The following RBFOX1 variants were observed in gnomAD, a reference collection of about 807,000 sequenced individuals.
The protein encoded by RBFOX1 is RNA binding fox-1 homolog 1, also known as RNA binding protein fox-1 homolog 1.
RBFOX1 carries 8 observed loss-of-function variants against 57.7 expected under a neutral mutation model. The observed-to-expected ratio is 0.14, with a 90% CI of 0.08 to 0.25. The LOEUF is 0.25. RBFOX1 is among the 10% of genes least tolerant of loss of function. The pLI, the probability that RBFOX1 is intolerant of heterozygous loss-of-function variation, is 1.00. For missense variants in RBFOX1, 611 were observed against 548.5 expected, an observed-to-expected ratio of 1.11 and a Z score of -1.14; for synonymous variants, 326 against 222.4, an observed-to-expected ratio of 1.47 and a Z score of -4.15.
intron 2 of RBFOX1, among the ~76,000 whole-genome samples, chr16:6,341,228 C>CT (rs960963107): frequency 2.5e-4 from 38 of 152,060 alleles, no homozygotes; most frequent in Non-Finnish European, 4.3e-4. Flanking sequence ...TGTTTCCTTG[C>CT]TTTTTTTTGG....
chr16:6,577,520 G>C (rs1363674219), intron 2 of RBFOX1, among the ~76,000 whole-genome samples: 1 of 152,178 alleles, frequency 6.6e-6, no homozygotes, highest in Non-Finnish European at 1.5e-5. Flanking sequence ...TGAAATCTCA[G>C]TGATATAACA....
At chr16:5,669,710 G>A (rs1466610832) in intron 3 of RBFOX1, among the ~76,000 whole-genome samples, 5 of 152,140 alleles carry the variant, frequency 3.3e-5, no homozygotes, top group African/African-American at 1.2e-4. Context: ...GAGCCACCAC[G>A]CCGGGCCCAA....
intron 4 of RBFOX1, among the ~76,000 whole-genome samples, chr16:7,492,052 T>G (rs573377727): frequency 6.6e-6 from 1 of 152,304 alleles, no homozygotes; most frequent in African/African-American, 2.4e-5. Context: ...TGTTCCATGC[T>G]TGTATGTTGT....
intron 4 of RBFOX1, among the ~76,000 whole-genome samples, chr16:7,278,130 C>G (rs531334813): frequency 6.6e-6 from 1 of 151,706 alleles, no homozygotes; most frequent in South Asian, 2.1e-4. Flanking sequence ...CGCTTGGTTT[C>G]CAAAATTGTA....
chr16:6,664,537 A>C (rs891659150), intron 3 of RBFOX1, among the ~76,000 whole-genome samples: 1 of 152,164 alleles, frequency 6.6e-6, no homozygotes, highest in African/African-American at 2.4e-5. Flanking sequence ...AGTAGATCTC[A>C]TTGTGTCCTT....
At chr16:7,149,385 C>T (rs559514647) in intron 4 of RBFOX1, among the ~76,000 whole-genome samples, 2 of 152,238 alleles carry the variant, frequency 1.3e-5, no homozygotes, top group Admixed American at 1.3e-4. Flanking sequence ...TGATCCCCCA[C>T]TCCATTCCCA....
chr16:6,482,460 C>G (rs1272486831), intron 2 of RBFOX1, among the ~76,000 whole-genome samples: 3 of 152,146 alleles, frequency 2.0e-5, no homozygotes, highest in Non-Finnish European at 2.9e-5. Flanking sequence ...CTATTAACAA[C>G]AGCAACAAAA....
chr16:7,451,027 G>C (rs1363649586), intron 4 of RBFOX1, among the ~76,000 whole-genome samples: 1 of 152,184 alleles, frequency 6.6e-6, no homozygotes, highest in Non-Finnish European at 1.5e-5. Flanking sequence ...TCGCTTCTGA[G>C]TGGTAAACTC....
At chr16:6,031,306 C>T (rs1311436532) in intron 1 of RBFOX1, among the ~76,000 whole-genome samples, 1 of 152,062 alleles carries the variant, frequency 6.6e-6, no homozygotes, top group Non-Finnish European at 1.5e-5. Flanking sequence ...AGCAAGGTGG[C>T]CAGCGTGCCT....
intron 4 of RBFOX1, among the ~76,000 whole-genome samples, chr16:7,151,673 A>G (rs775886700): frequency 6.6e-6 from 1 of 152,146 alleles, no homozygotes; most frequent in African/African-American, 2.4e-5. Flanking sequence ...ATTACATTGT[A>G]ATATATAATG....
chr16:7,361,199 C>G (rs751868629), intron 4 of RBFOX1, among the ~76,000 whole-genome samples: 2 of 152,154 alleles, frequency 1.3e-5, no homozygotes, highest in Non-Finnish European at 2.9e-5. Context: ...CTCAGTGAAG[C>G]CAGTTTCGTT....
intron 1 of RBFOX1, among the ~76,000 whole-genome samples, chr16:6,272,843 C>T (rs1011863062): frequency 6.6e-6 from 1 of 152,060 alleles, no homozygotes; most frequent in African/African-American, 2.4e-5. Flanking sequence ...GGAAAGATAA[C>T]CTTTCAACAT....
chr16:7,390,749 G>T (rs1023127754), intron 4 of RBFOX1, among the ~76,000 whole-genome samples: 4 of 151,944 alleles, frequency 2.6e-5, no homozygotes, highest in Non-Finnish European at 5.9e-5. Flanking sequence ...TTAGAGATTT[G>T]TTTTTTTCAA....
chr16:6,532,013 G>A (rs1355990763), intron 2 of RBFOX1, among the ~76,000 whole-genome samples: 5 of 152,166 alleles, frequency 3.3e-5, no homozygotes, highest in Non-Finnish European at 5.9e-5. Context: ...GCCACTGTGA[G>A]GTCTCCTCCA....
At chr16:6,508,498 T>G (rs2096170343) in intron 2 of RBFOX1, among the ~76,000 whole-genome samples, 1 of 152,090 alleles carries the variant, frequency 6.6e-6, no homozygotes, top group Non-Finnish European at 1.5e-5. Flanking sequence ...ATTCAGCTAA[T>G]CCCTTAAAAC....
At chr16:5,659,479 A>G (rs909685039) in intron 3 of RBFOX1, among the ~76,000 whole-genome samples, 1 of 151,208 alleles carries the variant, frequency 6.6e-6, no homozygotes, top group Middle Eastern at 3.2e-3. Flanking sequence ...AATTTTTTGT[A>G]TTGTTAGTAG....
At chr16:6,818,180 A>G (rs2154273440) in intron 3 of RBFOX1, among the ~76,000 whole-genome samples, 1 of 152,264 alleles carries the variant, frequency 6.6e-6, no homozygotes, top group African/African-American at 2.4e-5. Context: ...TTCCTGCCAC[A>G]GGGATCCTGC....
At chr16:6,928,133 G>A (rs1031719689) in intron 3 of RBFOX1, among the ~76,000 whole-genome samples, 12 of 152,092 alleles carry the variant, frequency 7.9e-5, no homozygotes, top group Non-Finnish European at 1.5e-4. Context: ...ACAATTCTTA[G>A]TGTGTGTGAT....
At chr16:6,127,922 C>T (rs541765798) in intron 1 of RBFOX1, among the ~76,000 whole-genome samples, 3 of 152,178 alleles carry the variant, frequency 2.0e-5, no homozygotes, top group South Asian at 2.1e-4. Context: ...ATAAGGGAAG[C>T]GTGCATTGAT....
Sources: allele counts gnomAD v4.1 joint callset (sites outside exome capture counted in the v4.1 genomes callset), GRCh38; gene constraint gnomAD v4.1.1; transcripts MANE v1.5; gene names NCBI Gene and HGNC (gene_info 2026-07-23, HGNC 2026-07-21).